TFEC: variants seen among roughly 807,000 people sequenced by gnomAD.
TFEC encodes transcription factor EC.
TFEC carries 31 observed loss-of-function variants against 41.6 expected under a neutral mutation model. The ratio of observed to expected loss-of-function variants is 0.74; its 90% confidence interval spans 0.56 to 1.01. The LOEUF (loss-of-function observed/expected upper bound fraction) is 1.01, where lower values mean the gene tolerates loss of function less well. TFEC is among the 50% of genes least tolerant of loss of function. The probability of loss-of-function intolerance (pLI) is 0.00; values close to 1 mark genes in which losing one functional copy is unlikely to be tolerated. For synonymous variants in TFEC, 143 were observed against 140.6 expected, an observed-to-expected ratio of 1.02 and a Z score of -0.12; for missense variants, 402 against 404.1, an observed-to-expected ratio of 0.99 and a Z score of 0.04.
intron 1 of TFEC, among the ~76,000 whole-genome samples, chr7:116,153,940 C>T (rs996037248): frequency 2.0e-5 from 3 of 152,160 alleles, no homozygotes; most frequent in African/African-American, 7.2e-5. Flanking sequence ...AGGAAGAAAA[C>T]AGAAAAGTGT....
intron 1 of TFEC, among the ~76,000 whole-genome samples, chr7:116,128,811 A>G (rs1442106690): frequency 6.6e-6 from 1 of 152,218 alleles, no homozygotes; most frequent in Non-Finnish European, 1.5e-5. Context: ...GAGTAATTCA[A>G]TGAGTAATCT....
chr7:116,142,286 C>T (rs139543528), intron 1 of TFEC, among the ~76,000 whole-genome samples: 186 of 152,202 alleles, frequency 1.2e-3, no homozygotes, highest in African/African-American at 4.4e-3. Flanking sequence ...GCCATAAACT[C>T]GTAGAGGATG....
intron 6 of TFEC, among the ~76,000 whole-genome samples, chr7:115,943,360 T>C (rs1047944048): frequency 6.6e-6 from 1 of 151,844 alleles, no homozygotes; most frequent in Non-Finnish European, 1.5e-5. Context: ...GCAAAAGCCT[T>C]ATGGACCCTT....
chr7:116,144,573 C>T (rs887347183), intron 1 of TFEC, among the ~76,000 whole-genome samples: 1 of 152,074 alleles, frequency 6.6e-6, no homozygotes, highest in Non-Finnish European at 1.5e-5. Context: ...TGGTCTCAAA[C>T]TCCTGGGTTC....
intron 6 of TFEC, among the ~76,000 whole-genome samples, chr7:115,944,327 C>A (rs1464797018): frequency 6.6e-6 from 1 of 151,310 alleles, no homozygotes; most frequent in African/African-American, 2.4e-5. Flanking sequence ...CTAAAGAGGA[C>A]AACTACTACA....
chr7:115,993,969 C>T (rs1794242322), intron 1 of TFEC, among the ~76,000 whole-genome samples: 1 of 152,192 alleles, frequency 6.6e-6, no homozygotes, highest in Non-Finnish European at 1.5e-5. Flanking sequence ...TACAAGGCTA[C>T]AGTAACCAAA....
chr7:116,041,487 C>T (rs1031684015), intron 3 of TFEC, among the ~76,000 whole-genome samples: 1 of 152,130 alleles, frequency 6.6e-6, no homozygotes, highest in Non-Finnish European at 1.5e-5. Context: ...AGGTAATACA[C>T]TTCAGAAATT....
chr7:115,960,549 C>T (rs7794983), intron 3 of TFEC, among the ~76,000 whole-genome samples: 151,337 of 151,738 alleles, frequency 1, 75,471 homozygotes, highest in Middle Eastern at 1. Flanking sequence ...TAACTCGATC[C>T]AGATAATATC....
chr7:116,044,250 G>T (rs764499674), intron 3 of TFEC, among the ~76,000 whole-genome samples: 6 of 152,098 alleles, frequency 3.9e-5, no homozygotes, highest in Non-Finnish European at 8.8e-5. Context: ...CTTCGTCATG[G>T]CCAGAGCAAG....
intron 3 of TFEC, among the ~76,000 whole-genome samples, chr7:115,967,870 A>G (rs928344882): frequency 6.6e-6 from 1 of 151,986 alleles, no homozygotes; most frequent in African/African-American, 2.4e-5. Context: ...TAATAAATAA[A>G]AACAATTAAT....
chr7:116,040,063 T>C (rs932493632), intron 3 of TFEC, among the ~76,000 whole-genome samples: 2 of 152,140 alleles, frequency 1.3e-5, no homozygotes, highest in Non-Finnish European at 2.9e-5. Flanking sequence ...AAATGCTTTC[T>C]TAGGGATAAC....
intron 3 of TFEC, among the ~76,000 whole-genome samples, chr7:116,038,075 C>A (rs550423249): frequency 7.4e-4 from 112 of 152,090 alleles, no homozygotes; most frequent in Non-Finnish European, 1.3e-3. Context: ...TCAAAAGAAT[C>A]ATATGACTTT....
At position 115,973,091 on chromosome 7, in the gene TFEC, A is replaced by G. The variant is rs149582929; in HGVS notation, c.267+1079T>C. Among the ~76,000 whole-genome samples the G allele has an allele frequency of 8.2e-3, 1,227 of 149,010 alleles. 11 individuals carry two copies. Among genetic ancestry groups the G allele is most frequent in the African/African-American group, 0.028 (1,154 of 40,652 alleles). On this transcript the variant is annotated intron_variant, in intron 3 of 7. Coordinates refer to ENST00000265440, the MANE Select transcript of TFEC (RefSeq NM_012252.4). Reference sequence around the variant, plus strand: ...TCATCATTCTATATTTAAAAAAATGAAAACTGAAAAAAAATCCTGCAACAA... The same window carrying G: ...TCATCATTCTATATTTAAAAAAATGGAAACTGAAAAAAAATCCTGCAACAA...
intron 1 of TFEC, among the ~76,000 whole-genome samples, chr7:116,114,487 TTG>T (rs1797929718): frequency 6.6e-6 from 1 of 151,938 alleles, no homozygotes; most frequent in South Asian, 2.1e-4. Flanking sequence ...GTAAGGGGGA[TTG>T]TTTTTCTAAA....
chr7:116,106,252 G>C (rs956069597), intron 3 of TFEC, among the ~76,000 whole-genome samples: 1 of 152,170 alleles, frequency 6.6e-6, no homozygotes, highest in Non-Finnish European at 1.5e-5. Flanking sequence ...GTCTCATGAA[G>C]AAGTTTCACA....
At chr7:116,033,959 G>A (rs1312235934), upstream of TFEC, among the ~76,000 whole-genome samples, 1 of 152,082 alleles carries the variant, frequency 6.6e-6, no homozygotes, top group Non-Finnish European at 1.5e-5. Context: ...TGCTCCACCA[G>A]AGCACCATAA....
intron 3 of TFEC, among the ~76,000 whole-genome samples, chr7:115,971,157 G>A (rs1368425966): frequency 1.3e-5 from 2 of 152,008 alleles, no homozygotes; most frequent in African/African-American, 4.8e-5. Context: ...GTGGAGGGCT[G>A]TTCAAGCCAC....
intron 3 of TFEC, among the ~76,000 whole-genome samples, chr7:115,960,110 A>C (rs1252391086): frequency 6.6e-6 from 1 of 151,488 alleles, no homozygotes; most frequent in African/African-American, 2.4e-5. Flanking sequence ...ACTAAAATGA[A>C]ATAATATACA....
chr7:116,124,701 T>C (rs912669629), intron 1 of TFEC, among the ~76,000 whole-genome samples: 2 of 152,148 alleles, frequency 1.3e-5, no homozygotes, highest in Non-Finnish European at 1.5e-5. Context: ...GGGTAGCAAC[T>C]GACTCTATCT....
Sources: allele counts gnomAD v4.1 joint callset (sites outside exome capture counted in the v4.1 genomes callset), GRCh38; gene constraint gnomAD v4.1.1; transcripts MANE v1.5; gene names NCBI Gene and HGNC (gene_info 2026-07-23, HGNC 2026-07-21).